The following NEK7 variants were observed in gnomAD, a reference collection of about 807,000 sequenced individuals.
The protein encoded by NEK7 is NIMA related kinase 7, also known as serine/threonine-protein kinase Nek7.
NEK7 carries 18 observed loss-of-function variants against 44.6 expected under a neutral mutation model. The observed-to-expected ratio is 0.40, with a 90% CI of 0.28 to 0.60. NEK7 has a LOEUF of 0.60. Ranked by LOEUF, NEK7 falls within the 20% of genes least tolerant of loss-of-function variation. The probability of loss-of-function intolerance (pLI) is 0.38; values close to 1 mark genes in which losing one functional copy is unlikely to be tolerated. For synonymous variants in NEK7, 130 were observed against 121.1 expected (o/e 1.07, Z -0.48); for missense variants, 256 against 366.5 (o/e 0.70, Z 2.46).
chr1:198,299,540 G>C (rs1654818695), intron 9 of NEK7, among the ~76,000 whole-genome samples: 1 of 152,122 alleles, frequency 6.6e-6, no homozygotes, highest in Non-Finnish European at 1.5e-5. Flanking sequence ...TTTCAACAGT[G>C]AACTTTTAAT....
At chr1:198,276,432 A>G (rs1415077291) in intron 5 of NEK7, among the ~76,000 whole-genome samples, 1 of 151,676 alleles carries the variant, frequency 6.6e-6, no homozygotes, top group Non-Finnish European at 1.5e-5. Flanking sequence ...GAGCACATAT[A>G]CAGGGTTTAT....
At chr1:198,287,341 T>C (rs947045655) in intron 7 of NEK7, among the ~76,000 whole-genome samples, 1 of 151,662 alleles carries the variant, frequency 6.6e-6, no homozygotes, top group African/African-American at 2.4e-5. Context: ...AATAGCTGAG[T>C]GTGGATCACG....
At chr1:198,251,319 A>C (rs1306868826) in intron 2 of NEK7, among the ~76,000 whole-genome samples, 1 of 149,636 alleles carries the variant, frequency 6.7e-6, no homozygotes, top group Non-Finnish European at 1.5e-5. Context: ...TTCATCAAGG[A>C]TATTGGTCTA....
intron 1 of NEK7, among the ~76,000 whole-genome samples, chr1:198,199,651 C>T (rs1160321234): frequency 6.6e-6 from 1 of 151,880 alleles, no homozygotes; most frequent in Non-Finnish European, 1.5e-5. Context: ...ATTGTTACGT[C>T]TTGCTGACGT....
chr1:198,288,952 A>G lies in NEK7; in HGVS notation c.590-3993A>G, dbSNP rs75027153. On this transcript the variant is annotated intron_variant, in intron 7 of 9. Transcript: ENST00000367385. ...CTTCAAAGATGACAAATTTTATTTT[A>G]TAAATGTCTTTTGCAGAAGAAATAT... Among the ~76,000 whole-genome samples, 711 of 152,308 alleles carry G rather than the reference A, an allele frequency of 4.7e-3. 4 individuals carry two copies. The highest frequency in any genetic ancestry group is 7.7e-3 in the Non-Finnish European group (524 of 68,022).
At chr1:198,244,710 T>A (rs2102901742) in intron 2 of NEK7, among the ~76,000 whole-genome samples, 1 of 152,302 alleles carries the variant, frequency 6.6e-6, no homozygotes, top group Middle Eastern at 3.4e-3. Flanking sequence ...ATAATTATAG[T>A]CATGCCCTTT....
intron 1 of NEK7, chr1:198,220,857 C>CT (rs1240045024): frequency 3.3e-5 from 5 of 151,948 alleles, no homozygotes; most frequent in Non-Finnish European, 5.9e-5. Context: ...GATTGATCCT[C>CT]TTTTTTTGTT....
intron 2 of NEK7, among the ~76,000 whole-genome samples, chr1:198,245,845 C>T (rs1203327440): frequency 1.3e-5 from 2 of 151,788 alleles, no homozygotes; most frequent in African/African-American, 4.8e-5. Flanking sequence ...ACTCAGTTTA[C>T]ACTCCAAATT....
chr1:198,315,925 C>T (rs989552752), intron 9 of NEK7, among the ~76,000 whole-genome samples: 1 of 152,132 alleles, frequency 6.6e-6, no homozygotes, highest in Non-Finnish European at 1.5e-5. Flanking sequence ...CTGTGTTCCT[C>T]AGCATGTTGG....
chr1:198,314,725 G>A (rs1655298490), intron 9 of NEK7, among the ~76,000 whole-genome samples: 2 of 152,204 alleles, frequency 1.3e-5, no homozygotes, highest in South Asian at 4.1e-4. Flanking sequence ...GCAGGGGGGT[G>A]CCTCCCAGTT....
chr1:198,301,911 A>G (rs139289315), intron 9 of NEK7, among the ~76,000 whole-genome samples: 26 of 152,336 alleles, frequency 1.7e-4, no homozygotes, highest in African/African-American at 6.0e-4. Flanking sequence ...AAGAAAGACT[A>G]TTGAAGGATA....
chr1:198,250,895 T>C (rs986019952), intron 2 of NEK7, among the ~76,000 whole-genome samples: 1 of 152,158 alleles, frequency 6.6e-6, no homozygotes, highest in African/African-American at 2.4e-5. Flanking sequence ...CTAATTGCCC[T>C]GGCCAGTGCT....
intron 3 of NEK7, chr1:198,256,498 C>T (rs1306396612): frequency 1.9e-6 from 3 of 1,565,902 alleles, no homozygotes; most frequent in Admixed American, 2.0e-5. Context: ...AAGATGGTAC[C>T]TTAACTAATA....
chr1:198,163,438 T>C (rs918098663), intron 1 of NEK7, among the ~76,000 whole-genome samples: 2 of 151,830 alleles, frequency 1.3e-5, no homozygotes, highest in African/African-American at 2.4e-5. Flanking sequence ...GGCTTGAGTC[T>C]AGGATTTCGA....
chr1:198,281,843 T>C (rs541722989), intron 7 of NEK7, among the ~76,000 whole-genome samples: 51 of 152,198 alleles, frequency 3.4e-4, no homozygotes, highest in African/African-American at 1.2e-3. Context: ...TAAATCAACA[T>C]ACAATAAAAC....
At chr1:198,226,504 C>T (rs185620226) in intron 1 of NEK7, among the ~76,000 whole-genome samples, 118 of 151,616 alleles carry the variant, frequency 7.8e-4, no homozygotes, top group African/African-American at 2.8e-3. Flanking sequence ...GAGATCACAC[C>T]GCTGCATTCC....
intron 7 of NEK7, among the ~76,000 whole-genome samples, chr1:198,279,564 T>C (rs1405884278): frequency 3.9e-5 from 6 of 151,924 alleles, no homozygotes; most frequent in Admixed American, 2.6e-4. Flanking sequence ...CTCCTCAAAT[T>C]ATATATTCTC....
chr1:198,161,405 G>A (rs1347325490), intron 1 of NEK7, among the ~76,000 whole-genome samples: 1 of 152,184 alleles, frequency 6.6e-6, no homozygotes, highest in African/African-American at 2.4e-5. Context: ...GGGCATAGGT[G>A]TGTTCAAATA....
At chr1:198,256,402 A>G (rs1189153444) in intron 3 of NEK7, 11 of 1,612,218 alleles carry the variant, frequency 6.8e-6, no homozygotes, top group Non-Finnish European at 9.3e-6. Flanking sequence ...TCATAAAGGG[A>G]TCTGAGAGCC....
Sources: allele counts gnomAD v4.1 joint callset (sites outside exome capture counted in the v4.1 genomes callset), GRCh38; gene constraint gnomAD v4.1.1; transcripts MANE v1.5; gene names NCBI Gene and HGNC (gene_info 2026-07-23, HGNC 2026-07-21).